Variants in CTNND2 observed in about 807,000 individuals in gnomAD.
CTNND2 encodes the protein catenin delta-2.
CTNND2 carries 22 observed loss-of-function variants against 144.4 expected under a neutral mutation model. That is an observed-to-expected ratio of 0.15 (90% CI 0.11 to 0.22). The LOEUF (loss-of-function observed/expected upper bound fraction) is 0.22. Among genes scored for constraint, CTNND2 ranks in the 10% least tolerant of loss-of-function variants. The pLI, the probability that CTNND2 is intolerant of heterozygous loss-of-function variation, is 1.00. For missense variants in CTNND2, 1,353 were observed against 1,618.8 expected (o/e 0.84, Z 2.82); for synonymous variants, 751 against 695.6 (o/e 1.08, Z -1.25).
At chr5:11,036,991 G>A (rs539033622) in intron 16 of CTNND2, among the ~76,000 whole-genome samples, 6 of 152,244 alleles carry the variant, frequency 3.9e-5, no homozygotes, top group African/African-American at 1.4e-4. Flanking sequence ...CTTCAGCAGT[G>A]ATGACCTTTT....
At position 11,254,094 on chromosome 5, in the gene CTNND2, A is replaced by G. The variant is rs1171876948; in HGVS notation, c.1629-17271T>C. 3.3e-5 allele frequency among the ~76,000 whole-genome samples: 5 copies of G among 152,356 alleles called. No homozygotes were observed. The East Asian group carries it at 9.7e-4, about 29-fold the overall frequency. On this transcript the variant is annotated intron_variant, in intron 9 of 21. Transcript: ENST00000304623. Reference sequence around the variant, plus strand: ...TAGTCATCAAATTTAGTTAGTTGAAACATTGGATTTTTAAAATTTACATAA... The same window carrying G: ...TAGTCATCAAATTTAGTTAGTTGAAGCATTGGATTTTTAAAATTTACATAA...
chr5:11,689,770 G>T (rs1784813530), intron 2 of CTNND2, among the ~76,000 whole-genome samples: 1 of 152,070 alleles, frequency 6.6e-6, no homozygotes, highest in Admixed American at 6.5e-5. Flanking sequence ...CAATTACATT[G>T]AATTACCTTG....
At chr5:11,264,589 C>T (rs900565153) in intron 9 of CTNND2, among the ~76,000 whole-genome samples, 10 of 152,178 alleles carry the variant, frequency 6.6e-5, no homozygotes, top group African/African-American at 1.9e-4. Context: ...TGTAATCACT[C>T]GGCTACACTA....
chr5:11,372,542 G>A (rs1486192849), intron 7 of CTNND2, among the ~76,000 whole-genome samples: 2 of 152,078 alleles, frequency 1.3e-5, no homozygotes, highest in South Asian at 2.1e-4. Context: ...ACAAAGAACC[G>A]GTAGGAACCT....
chr5:11,269,964 A>G (rs1478545480), intron 9 of CTNND2, among the ~76,000 whole-genome samples: 1 of 152,224 alleles, frequency 6.6e-6, no homozygotes, highest in Non-Finnish European at 1.5e-5. Flanking sequence ...TAATCACATG[A>G]CAATTATTTT....
intron 3 of CTNND2, among the ~76,000 whole-genome samples, chr5:11,427,386 T>G (rs1478124148): frequency 2.6e-5 from 4 of 151,802 alleles, no homozygotes; most frequent in African/African-American, 9.7e-5. Flanking sequence ...CAAGTGATTT[T>G]CCTGCCTTAG....
intron 16 of CTNND2, among the ~76,000 whole-genome samples, chr5:11,076,505 A>C (rs1178857672): frequency 6.6e-6 from 1 of 152,158 alleles, no homozygotes; most frequent in African/African-American, 2.4e-5. Flanking sequence ...AACCTTCCAT[A>C]CTCAGAAGGA....
intron 1 of CTNND2, among the ~76,000 whole-genome samples, chr5:11,838,379 GAAGT>G (rs1052368339): frequency 3.3e-5 from 5 of 152,292 alleles, no homozygotes; most frequent in Admixed American, 1.3e-4. Flanking sequence ...TGCCAGATGT[GAAGT>G]AAGTATGTTC....
intron 2 of CTNND2, among the ~76,000 whole-genome samples, chr5:11,667,110 G>A (rs1217143500): frequency 6.6e-6 from 1 of 152,068 alleles, no homozygotes; most frequent in Non-Finnish European, 1.5e-5. Flanking sequence ...TCCTTTTTAT[G>A]GCTCCATAAT....
intron 1 of CTNND2, among the ~76,000 whole-genome samples, chr5:11,737,016 G>T (rs1787718788): frequency 6.8e-6 from 1 of 147,692 alleles, no homozygotes; most frequent in African/African-American, 2.5e-5. Flanking sequence ...CATGTTGAAA[G>T]TTATCTACCT....
intron 1 of CTNND2, among the ~76,000 whole-genome samples, chr5:11,818,819 T>C (rs1188332893): frequency 1.3e-5 from 2 of 152,174 alleles, no homozygotes; most frequent in Admixed American, 6.5e-5. Context: ...CCAGGTAACA[T>C]GGAGCCCTCA....
intron 5 of CTNND2, among the ~76,000 whole-genome samples, chr5:11,408,464 T>C (rs73742834): frequency 0.014 from 2,095 of 152,276 alleles, 57 homozygotes; most frequent in African/African-American, 0.048. Context: ...TTTATGTGAC[T>C]GTGGTTCAGA....
chr5:11,824,326 C>T (rs1053865775), intron 1 of CTNND2, among the ~76,000 whole-genome samples: 1 of 152,058 alleles, frequency 6.6e-6, no homozygotes, highest in African/African-American at 2.4e-5. Context: ...CCCTCTTCTC[C>T]ACACCTTTGC....
chr5:11,307,137 TTTA>T (rs1160605482), intron 9 of CTNND2, among the ~76,000 whole-genome samples: 1 of 152,108 alleles, frequency 6.6e-6, no homozygotes, highest in Admixed American at 6.5e-5. Context: ...TTCAGAGTCA[TTTA>T]TCAGTCTCTA....
intron 2 of CTNND2, among the ~76,000 whole-genome samples, chr5:11,616,687 C>T (rs1332987565): frequency 6.6e-6 from 1 of 151,530 alleles, no homozygotes; most frequent in Non-Finnish European, 1.5e-5. Flanking sequence ...GCTCACTGCA[C>T]CCTCCACCTC....
chr5:11,571,421 C>A (rs765846726), intron 2 of CTNND2, among the ~76,000 whole-genome samples: 2 of 152,196 alleles, frequency 1.3e-5, no homozygotes, highest in Non-Finnish European at 2.9e-5. Context: ...GCTCTTTTTC[C>A]GCAAAGCTAA....
rs12514170 is a variant in CTNND2, at chr5:11,060,445, A to G, written c.2788+22251T>C. 3.1e-3 allele frequency among the ~76,000 whole-genome samples: 478 copies of G among 152,296 alleles called. 3 individuals are homozygous for G. The highest frequency in any genetic ancestry group is 0.011 in the South Asian group (53 of 4,822). ...AAATTACCTGACAGATAAAAATTTC[A>G]GGAGTAAGATGTGACCATTCGGAAT... On this transcript the variant is annotated intron_variant, in intron 16 of 21. Transcript: ENST00000304623.
intron 2 of CTNND2, among the ~76,000 whole-genome samples, chr5:11,718,778 T>C (rs1483044007): frequency 6.6e-6 from 1 of 152,202 alleles, no homozygotes; most frequent in African/African-American, 2.4e-5. Context: ...AATCTGTCAA[T>C]AAGTTAAATT....
At chr5:11,025,128 T>C (rs541973839) in intron 16 of CTNND2, among the ~76,000 whole-genome samples, 6 of 152,352 alleles carry the variant, frequency 3.9e-5, no homozygotes, top group African/African-American at 1.4e-4. Flanking sequence ...TAAGTCTATT[T>C]ATCAGTCTAC....
Sources: gnomAD v4.1 joint callset for allele counts (sites outside exome capture counted in the v4.1 genomes callset) on GRCh38, gnomAD v4.1.1 for gene constraint, MANE v1.5 for transcripts, NCBI Gene and HGNC (gene_info 2026-07-23, HGNC 2026-07-21) for gene names.